MTMR7: variants seen among roughly 807,000 people sequenced by gnomAD.
MTMR7 encodes the protein phosphatidylinositol-3-phosphate phosphatase MTMR7.
A neutral mutation model predicts 81.2 loss-of-function variants in MTMR7; 76 were observed. The ratio of observed to expected loss-of-function variants is 0.94; its 90% CI spans 0.78 to 1.13. The LOEUF (loss-of-function observed/expected upper bound fraction) is 1.13, where lower values mean the gene tolerates loss of function less well. Ranked by LOEUF, MTMR7 falls within the 50% of genes most tolerant of loss-of-function variation. The probability of loss-of-function intolerance (pLI) is 0.00; values close to 1 mark genes in which losing one functional copy is unlikely to be tolerated. For missense variants in MTMR7, 1,044 were observed against 820.0 expected, an observed-to-expected ratio of 1.27 and a Z score of -3.34; for synonymous variants, 372 against 289.8, an observed-to-expected ratio of 1.28 and a Z score of -2.88.
At chr8:17,341,238 G>A in intron 6 of MTMR7, 125 bp downstream of exon 6, 1 of 1,293,076 alleles carries the variant, frequency 7.7e-7, no homozygotes, top group East Asian at 2.5e-5. Flanking sequence ...CACTGACTAT[G>A]CCAAGAGGAA....
At chr8:17,318,281 C>T (rs568740048) in intron 7 of MTMR7, among the ~76,000 whole-genome samples, 4 of 152,100 alleles carry the variant, frequency 2.6e-5, no homozygotes, top group African/African-American at 7.2e-5. Flanking sequence ...ACCCAGCAGA[C>T]GTACACCAAA....
At chr8:17,379,909 C>T (rs1258398130) in intron 1 of MTMR7, among the ~76,000 whole-genome samples, 1 of 152,064 alleles carries the variant, frequency 6.6e-6, no homozygotes, top group African/African-American at 2.4e-5. Context: ...CAGTATCAAC[C>T]CTTCCTTTGC....
At chr8:17,390,040 G>A (rs1340315201) in intron 1 of MTMR7, among the ~76,000 whole-genome samples, 1 of 148,794 alleles carries the variant, frequency 6.7e-6, no homozygotes, top group Admixed American at 6.8e-5. Context: ...CCTTCTGCTT[G>A]AAGGTGGGAA....
intron 2 of MTMR7, among the ~76,000 whole-genome samples, chr8:17,371,451 T>C (rs1820417120): frequency 6.6e-6 from 1 of 152,226 alleles, no homozygotes; most frequent in Non-Finnish European, 1.5e-5. Flanking sequence ...CCATTCAGCA[T>C]ATAAATTTGC....
At chr8:17,410,194 C>A (rs945014573) in intron 1 of MTMR7, among the ~76,000 whole-genome samples, 1 of 152,056 alleles carries the variant, frequency 6.6e-6, no homozygotes, top group Admixed American at 6.5e-5. Context: ...GGTAGGTGTA[C>A]CAAGGAAGAG....
chr8:17,305,889 C>G lies in MTMR7; in HGVS notation c.1220G>C (p.Trp407Ser). The G allele has an allele frequency of 6.2e-7, 1 of 1,613,706 alleles. No homozygotes were observed. The highest frequency in any genetic ancestry group is 1.3e-5 in the African/African-American group (1 of 75,022). Residue 407 changes from tryptophan to serine, a missense_variant, in exon 11 of 14, where the codon TGG becomes TCG. Trp to Ser is a radical substitution (Grantham distance 177). Coordinates refer to ENST00000180173, the MANE Select transcript of MTMR7 (RefSeq NM_004686.5). ...ACAGGGAAATTGTTCCATTAACTGC[C>G]AAACACACTCAATGAACTGGTCAAT... ...PVIDQFIECV[W>S]QLMEQFPCAF...
chr8:17,328,241 A>T (rs560976018), intron 7 of MTMR7, among the ~76,000 whole-genome samples: 2 of 152,196 alleles, frequency 1.3e-5, no homozygotes, highest in East Asian at 3.9e-4. Flanking sequence ...AGGGTGTCCC[A>T]GTGGGGCACA....
intron 1 of MTMR7, among the ~76,000 whole-genome samples, chr8:17,389,346 T>A (rs184865874): frequency 1.3e-5 from 2 of 152,346 alleles, no homozygotes; most frequent in East Asian, 1.9e-4. Flanking sequence ...CAAGTTATTT[T>A]ATTCCTAATA....
chr8:17,350,085 G>A (rs925236162), intron 4 of MTMR7, among the ~76,000 whole-genome samples: 11 of 152,206 alleles, frequency 7.2e-5, no homozygotes, highest in Non-Finnish European at 1.6e-4. Context: ...GGCTACTGTT[G>A]CTCAACACAT....
chr8:17,339,788 T>C (rs1819353093), intron 6 of MTMR7, among the ~76,000 whole-genome samples: 1 of 152,252 alleles, frequency 6.6e-6, no homozygotes, highest in South Asian at 2.1e-4. Flanking sequence ...ATTCATATGG[T>C]AACTCTATTT....
chr8:17,306,984 G>A (rs1817495569), intron 10 of MTMR7, among the ~76,000 whole-genome samples: 1 of 152,136 alleles, frequency 6.6e-6, no homozygotes, highest in Admixed American at 6.5e-5. Context: ...CATGGGCAAG[G>A]ACTTCATGTC....
chr8:17,392,025 T>C (rs541098146), intron 1 of MTMR7, among the ~76,000 whole-genome samples: 1 of 152,224 alleles, frequency 6.6e-6, no homozygotes, highest in African/African-American at 2.4e-5. Flanking sequence ...AAAATGAGCT[T>C]CTTGGACTCC....
intron 1 of MTMR7, among the ~76,000 whole-genome samples, chr8:17,378,367 C>T (rs1303287888): frequency 6.6e-6 from 1 of 152,174 alleles, no homozygotes; most frequent in Non-Finnish European, 1.5e-5. Context: ...GACCACCTCA[C>T]AGTTTATACT....
At chr8:17,403,271 G>T (rs895985132) in intron 1 of MTMR7, among the ~76,000 whole-genome samples, 1 of 152,060 alleles carries the variant, frequency 6.6e-6, no homozygotes, top group African/African-American at 2.4e-5. Context: ...AGATATATGG[G>T]TCTAGTTTCA....
At chr8:17,311,009 C>T (rs549626051) in intron 9 of MTMR7, among the ~76,000 whole-genome samples, 1 of 152,152 alleles carries the variant, frequency 6.6e-6, no homozygotes, top group African/African-American at 2.4e-5. Flanking sequence ...CAAAGAACAA[C>T]AACAAAAGGC....
intron 11 of MTMR7, among the ~76,000 whole-genome samples, chr8:17,304,995 A>C (rs1817360486): frequency 6.6e-6 from 1 of 152,152 alleles, no homozygotes; most frequent in Non-Finnish European, 1.5e-5. Flanking sequence ...ACCCAAGCAG[A>C]TACTGTTAGA....
chr8:17,379,373 G>A (rs147909010), intron 1 of MTMR7, among the ~76,000 whole-genome samples: 24 of 152,218 alleles, frequency 1.6e-4, no homozygotes, highest in Admixed American at 1.4e-3. Context: ...CAAGAGCCAC[G>A]TTAGCTTTTC....
chr8:17,340,796 C>T (rs1362613219), intron 6 of MTMR7, among the ~76,000 whole-genome samples: 2 of 152,172 alleles, frequency 1.3e-5, no homozygotes, highest in Non-Finnish European at 2.9e-5. Context: ...ATCCTACTCC[C>T]TTCTCCATGG....
chr8:17,379,099 T>G (rs1360277946), intron 1 of MTMR7, among the ~76,000 whole-genome samples: 1 of 152,008 alleles, frequency 6.6e-6, no homozygotes, highest in African/African-American at 2.4e-5. Context: ...AGATAATATT[T>G]TAAGAGAGAG....
Sources: gnomAD v4.1 joint callset for allele counts (sites outside exome capture counted in the v4.1 genomes callset) on GRCh38, gnomAD v4.1.1 for gene constraint, MANE v1.5 for transcripts, NCBI Gene and HGNC (gene_info 2026-07-23, HGNC 2026-07-21) for gene names.